Variants in TPX2 observed in about 807,000 individuals in gnomAD.
TPX2 encodes targeting protein for Xklp2.
A neutral mutation model predicts 93.6 loss-of-function variants in TPX2; 21 were observed. The observed-to-expected ratio is 0.22, with a 90% CI of 0.16 to 0.32. The LOEUF is 0.32. Among genes scored for constraint, TPX2 ranks in the 10% least tolerant of loss-of-function variants. The pLI is 1.00. For synonymous variants in TPX2, 281 were observed against 298.3 expected (o/e 0.94, Z 0.60); for missense variants, 776 against 871.1 (o/e 0.89, Z 1.37).
rs1175115202 is a variant in TPX2, at chr20:31,797,458, A to G, written c.1888A>G (p.Asn630Asp). Residue 630 changes from asparagine (N) to aspartate (D), a missense_variant, in exon 16 of 18, where the codon AAC becomes GAC. Around this residue, in one of 3 missense-constraint regions of TPX2, gnomAD observed 461 missense variants for 551.2 expected, o/e 0.84. Transcript: ENST00000300403. ...AGCAGCTTGTTTCAAGGCTCGTCCA[A>G]ACACCGTCATCTCTCAGGAGCCCTT... ...KEAACFKARPNTVISQEPFVP... is the reference protein window; with the variant it reads ...KEAACFKARPDTVISQEPFVP... 2 of 1,614,000 alleles carry G rather than the reference A, an allele frequency of 1.2e-6. No homozygotes were observed. The highest frequency in any genetic ancestry group is 2.7e-5 in the African/African-American group (2 of 74,944).
intron 2 of TPX2, among the ~76,000 whole-genome samples, chr20:31,747,843 C>T (rs1257570525): frequency 6.8e-6 from 1 of 148,104 alleles, no homozygotes; most frequent in African/African-American, 2.5e-5. Flanking sequence ...AGGAAGGCAT[C>T]CAGTTCCCAC....
At chr20:31,752,652 T>C (rs1024695157) in intron 2 of TPX2, among the ~76,000 whole-genome samples, 1 of 152,170 alleles carries the variant, frequency 6.6e-6, no homozygotes, top group Non-Finnish European at 1.5e-5. Context: ...CTCGCACTGT[T>C]GCCCAGGCTG....
chr20:31,753,950 C>T (rs2061835820), intron 2 of TPX2, among the ~76,000 whole-genome samples: 1 of 152,024 alleles, frequency 6.6e-6, no homozygotes, highest in African/African-American at 2.4e-5. Flanking sequence ...CGCTTGAACC[C>T]AGGAGGTGGA....
At chr20:31,794,857 G>A (rs559720769) in intron 15 of TPX2, among the ~76,000 whole-genome samples, 1 of 151,976 alleles carries the variant, frequency 6.6e-6, no homozygotes, top group Non-Finnish European at 1.5e-5. Flanking sequence ...GCCTTGCTGT[G>A]TTGCCCAGGC....
rs78057240 is a variant in TPX2 at position 31,751,499 on chromosome 20, T to C, written c.-70-5908T>C. On this transcript the variant is annotated intron_variant, in intron 2 of 17. Transcript: ENST00000300403. ...ATGGAATCTTTCACTAAAAATCCTT[T>C]GAATAGAAATGTGGTCAAGGAGAGG... 5.9e-5 allele frequency among the ~76,000 whole-genome samples: 9 copies of C among 152,220 alleles called. No homozygotes were observed. The East Asian group carries it at 1.2e-3, about 20-fold the overall frequency.
intron 11 of TPX2, among the ~76,000 whole-genome samples, chr20:31,783,196 G>C (rs2062044745): frequency 6.6e-6 from 1 of 151,794 alleles, no homozygotes; most frequent in Non-Finnish European, 1.5e-5. Flanking sequence ...TTAAGTGGTA[G>C]GGATGTTAGG....
rs1382878625 is a variant in TPX2, at chr20:31,798,502, C to T, written c.2083C>T (p.Gln695Ter). Residue 695 changes from glutamine (Q) to a stop codon, truncating the protein, a stop_gained, in exon 17 of 18, where the codon CAG (glutamine) becomes TAG (stop). Coordinates refer to ENST00000300403, the MANE Select transcript of TPX2 (RefSeq NM_012112.5). LOFTEE classifies it high-confidence loss of function. The stretch of plus-strand genomic sequence containing the variant: ...CCAGCAGTTGGAGGAGGCCAGACTA[C>T]AGGAGGAAGAGCAGAAAAAAGAGGA... Reference protein sequence around the residue: ...KAQQLEEARLQEEEQKKEELA... With the variant: ...KAQQLEEARL 6.2e-7 allele frequency: 1 copy of T among 1,613,056 alleles called. No individual in the cohort carries two copies. The highest frequency in any genetic ancestry group is 1.7e-5 in the Admixed American group (1 of 59,964).
intron 7 of TPX2, 130 bp downstream of exon 7, chr20:31,771,812 T>TA: frequency 2.9e-6 from 3 of 1,035,440 alleles, no homozygotes; most frequent in Non-Finnish European, 4.1e-6. Flanking sequence ...GGTGAATTGT[T>TA]ACATGTGTCC....
chr20:31,787,872 T>C (rs1378694460), intron 12 of TPX2, among the ~76,000 whole-genome samples: 1 of 152,198 alleles, frequency 6.6e-6, no homozygotes, highest in East Asian at 1.9e-4. Flanking sequence ...TATCAATTTA[T>C]ATTGTCAGGG....
intron 2 of TPX2, among the ~76,000 whole-genome samples, chr20:31,746,189 A>G (rs879657203): frequency 2.6e-5 from 4 of 152,212 alleles, no homozygotes; most frequent in African/African-American, 7.2e-5. Flanking sequence ...TCCAATTTCA[A>G]CATAGAAGTT....
At chr20:31,793,447 C>CA (rs2062115613) in intron 13 of TPX2, among the ~76,000 whole-genome samples, 1 of 152,136 alleles carries the variant, frequency 6.6e-6, no homozygotes, top group Non-Finnish European at 1.5e-5. Context: ...AGCTTGAACC[C>CA]AAACAACTTG....
chr20:31,743,830 G>T (rs903943441), intron 2 of TPX2, among the ~76,000 whole-genome samples: 23 of 149,986 alleles, frequency 1.5e-4, no homozygotes, highest in African/African-American at 3.5e-4. Flanking sequence ...AGGTTCAGGC[G>T]ATTCTCCTGT....
intron 12 of TPX2, among the ~76,000 whole-genome samples, chr20:31,785,263 C>T (rs571547835): frequency 1.2e-4 from 19 of 152,194 alleles, no homozygotes; most frequent in African/African-American, 4.6e-4. Context: ...AAGAAATCTT[C>T]CCCCACCCAA....
intron 12 of TPX2, among the ~76,000 whole-genome samples, chr20:31,790,730 T>C (rs1337453089): frequency 6.6e-6 from 1 of 152,220 alleles, no homozygotes; most frequent in Non-Finnish European, 1.5e-5. Flanking sequence ...TCAACAAACA[T>C]TTACTGAGTG....
At chr20:31,766,800 T>A in intron 5 of TPX2, 118 bp downstream of exon 5, 1 of 981,862 alleles carries the variant, frequency 1.0e-6, no homozygotes, top group African/African-American at 1.8e-5. Flanking sequence ...TGTTACTTTT[T>A]TTTTTTTTTT....
intron 2 of TPX2, among the ~76,000 whole-genome samples, chr20:31,756,153 ATGGT>A (rs1395557828): frequency 2.0e-5 from 3 of 152,200 alleles, no homozygotes; most frequent in Admixed American, 2.0e-4. Context: ...AAGCACCTTG[ATGGT>A]TGGATGGATG....
At chr20:31,790,468 G>A (rs886835830) in intron 12 of TPX2, among the ~76,000 whole-genome samples, 1 of 152,178 alleles carries the variant, frequency 6.6e-6, no homozygotes, top group East Asian at 1.9e-4. Context: ...AAGGTTATTT[G>A]GAACTAAAAC....
chr20:31,791,931 CTG>C (rs1384521806), intron 12 of TPX2, among the ~76,000 whole-genome samples: 3 of 152,168 alleles, frequency 2.0e-5, no homozygotes, highest in Non-Finnish European at 4.4e-5. Flanking sequence ...AATATAAACT[CTG>C]TGTGAATCAA....
intron 3 of TPX2, among the ~76,000 whole-genome samples, chr20:31,759,608 C>T (rs1320855014): frequency 6.6e-6 from 1 of 151,940 alleles, no homozygotes; most frequent in Non-Finnish European, 1.5e-5. Flanking sequence ...CCATGTTGGC[C>T]AAGACAGTCT....
Sources: allele counts gnomAD v4.1 joint callset (sites outside exome capture counted in the v4.1 genomes callset), GRCh38; gene constraint gnomAD v4.1.1; regional missense constraint gnomAD v4.1.1; transcripts MANE v1.5; gene names NCBI Gene and HGNC (gene_info 2026-07-23, HGNC 2026-07-21).